Variants in THSD4 observed in about 807,000 individuals in gnomAD.
THSD4 encodes the protein thrombospondin type-1 domain-containing protein 4.
Under a neutral mutation model 119.0 loss-of-function variants are expected in THSD4, and 69 were observed. The ratio of observed to expected loss-of-function variants is 0.58; its 90% confidence interval spans 0.48 to 0.71. The LOEUF (loss-of-function observed/expected upper bound fraction) is 0.71. THSD4 is among the 30% of genes least tolerant of loss of function. THSD4 has a pLI of 0.00. For synonymous variants in THSD4, 524 were observed against 540.4 expected, an observed-to-expected ratio of 0.97 and a Z score of 0.42; for missense variants, 1,393 against 1,391.1, an observed-to-expected ratio of 1.00 and a Z score of -0.02.
chr15:71,735,925 A>T (rs1435433309), intron 10 of THSD4, among the ~76,000 whole-genome samples: 2,905 of 46,266 alleles, frequency 0.063, no homozygotes, highest in Middle Eastern at 0.14. Flanking sequence ...TGTCTCTCTC[A>T]CTTTCTGTCT....
chr15:71,216,973 C>G (rs574224785), intron 4 of THSD4, among the ~76,000 whole-genome samples: 3 of 151,998 alleles, frequency 2.0e-5, no homozygotes, highest in Non-Finnish European at 4.4e-5. Flanking sequence ...ATTTTTGTAT[C>G]TTTAGTAGAG....
intron 8 of THSD4, among the ~76,000 whole-genome samples, chr15:71,705,439 G>C (rs1267708415): frequency 1.3e-5 from 2 of 152,216 alleles, no homozygotes; most frequent in Non-Finnish European, 2.9e-5. Context: ...GGGGAGGGAA[G>C]TGTCTCCTCT....
intron 7 of THSD4, among the ~76,000 whole-genome samples, chr15:71,495,648 T>A (rs1368438412): frequency 6.6e-6 from 1 of 152,164 alleles, no homozygotes; most frequent in Non-Finnish European, 1.5e-5. Context: ...CTGTAAAGGA[T>A]TAAAATGAGT....
intron 3 of THSD4, among the ~76,000 whole-genome samples, chr15:71,199,842 GCTGTGTGTGA>G (rs2043777532): frequency 7.3e-6 from 1 of 136,858 alleles, no homozygotes; most frequent in African/African-American, 3.0e-5. Context: ...GTGTGTGTGT[GCTGTGTGTGA>G]TGCATGTGTG....
At chr15:71,156,318 C>A (rs1372720301) in intron 3 of THSD4, among the ~76,000 whole-genome samples, 1 of 150,826 alleles carries the variant, frequency 6.6e-6, no homozygotes, top group Non-Finnish European at 1.5e-5. Context: ...AGTGCAATGG[C>A]ACGATCTTGG....
At position 71,420,289 on chromosome 15, in the gene THSD4, T is replaced by G. The variant is rs2046794003; in HGVS notation, c.1152+8466T>G. On this transcript the variant is annotated intron_variant, in intron 7 of 17. Coordinates refer to ENST00000261862, the MANE Select transcript of THSD4 (RefSeq NM_024817.3). ...ATTTAGTTTGTCTAAGTATAGCTAC[T>G]CCTGTTCATTTTTGGTTTCCGTTTG... Among the ~76,000 whole-genome samples, 2 of 108,498 alleles carry G rather than the reference T, an allele frequency of 1.8e-5. 1 individual carries two copies. Among genetic ancestry groups the G allele is most frequent in the African/African-American group, 6.3e-5 (2 of 31,892 alleles). The allele number at this position is 108,498 out of a possible 152,430, so 71.2% of individuals were successfully genotyped here.
At chr15:71,529,481 G>A (rs2048577916) in intron 7 of THSD4, among the ~76,000 whole-genome samples, 1 of 152,168 alleles carries the variant, frequency 6.6e-6, no homozygotes, top group Non-Finnish European at 1.5e-5. Flanking sequence ...ATGGAATGAG[G>A]TTCTCTGTCA....
intron 6 of THSD4, among the ~76,000 whole-genome samples, chr15:71,372,773 G>A (rs550811070): frequency 1.1e-4 from 17 of 152,226 alleles, no homozygotes; most frequent in South Asian, 4.1e-4. Context: ...CTCAAACTCC[G>A]TACTAGGAGA....
chr15:71,567,995 G>A (rs2049275124), intron 7 of THSD4, among the ~76,000 whole-genome samples: 1 of 151,826 alleles, frequency 6.6e-6, no homozygotes, highest in Non-Finnish European at 1.5e-5. Context: ...CTCTTTCTTT[G>A]TATACTTATT....
At chr15:71,522,059 A>G (rs555522873) in intron 7 of THSD4, among the ~76,000 whole-genome samples, 4 of 152,186 alleles carry the variant, frequency 2.6e-5, no homozygotes, top group African/African-American at 9.6e-5. Context: ...CACTGTTACA[A>G]TTTTTCACCC....
upstream of THSD4, chr15:71,112,231 G>T (rs1248091358): frequency 3.7e-6 from 6 of 1,610,712 alleles, no homozygotes; most frequent in African/African-American, 1.3e-5. Context: ...GCAGAGGGCT[G>T]ATCAGTGAGG....
chr15:71,347,263 T>C (rs147553414), intron 6 of THSD4, among the ~76,000 whole-genome samples: 1,722 of 152,280 alleles, frequency 0.011, 18 homozygotes, highest in Middle Eastern at 0.034. Context: ...TTTTACTGTG[T>C]ACTCCGTCAC....
chr15:71,776,546 G>C (rs1402549754), intron 17 of THSD4, among the ~76,000 whole-genome samples: 1 of 152,176 alleles, frequency 6.6e-6, no homozygotes, highest in African/African-American at 2.4e-5. Context: ...GAATTCTTCT[G>C]TTTCACTGAC....
intron 9 of THSD4, chr15:71,729,960 G>C (rs186291723): frequency 6.6e-5 from 10 of 152,230 alleles, no homozygotes; most frequent in African/African-American, 1.9e-4. Context: ...GTTTGATATT[G>C]GTTCCTGGGT....
intron 12 of THSD4, 79 bp downstream of exon 12, chr15:71,745,314 A>T (rs1595911297): frequency 2.6e-6 from 4 of 1,538,164 alleles, no homozygotes; most frequent in East Asian, 2.3e-5. Flanking sequence ...AGGAACAGAT[A>T]TAAGTCAGTC....
At chr15:71,199,554 GTGTA>G (rs1306205844) in intron 3 of THSD4, among the ~76,000 whole-genome samples, 88 of 144,044 alleles carry the variant, frequency 6.1e-4, no homozygotes, top group African/African-American at 1.6e-4. Context: ...TGTGTGGTGT[GTGTA>G]TGTGGTGTGT....
At chr15:71,374,181 C>A (rs991225151) in intron 6 of THSD4, among the ~76,000 whole-genome samples, 2 of 152,216 alleles carry the variant, frequency 1.3e-5, no homozygotes, top group Non-Finnish European at 2.9e-5. Flanking sequence ...ATGTCCTTGA[C>A]TGTGGAGTGG....
At chr15:71,381,506 T>C (rs2046228649) in intron 6 of THSD4, among the ~76,000 whole-genome samples, 2 of 152,236 alleles carry the variant, frequency 1.3e-5, no homozygotes, top group Admixed American at 6.5e-5. Context: ...CTGGGAATTA[T>C]TACCCTTCCA....
intron 8 of THSD4, among the ~76,000 whole-genome samples, chr15:71,689,445 T>C (rs1418067242): frequency 6.6e-6 from 1 of 152,142 alleles, no homozygotes; most frequent in East Asian, 1.9e-4. Context: ...AAAGTGAGGA[T>C]AAGAGGAAGG....
Sources: allele counts gnomAD v4.1 joint callset (sites outside exome capture counted in the v4.1 genomes callset), GRCh38; gene constraint gnomAD v4.1.1; transcripts MANE v1.5; gene names NCBI Gene and HGNC (gene_info 2026-07-23, HGNC 2026-07-21).